Variants in GSK3B observed in about 807,000 individuals in gnomAD.
The protein encoded by GSK3B is glycogen synthase kinase 3 beta.
Under a neutral mutation model 56.4 loss-of-function variants are expected in GSK3B, and 15 were observed. That is an observed-to-expected ratio of 0.27 (90% CI 0.18 to 0.41). GSK3B has a LOEUF of 0.41. Among genes scored for constraint, GSK3B ranks in the 10% least tolerant of loss-of-function variants. GSK3B has a pLI of 1.00. For missense variants in GSK3B, 300 were observed against 513.4 expected, an observed-to-expected ratio of 0.58 and a Z score of 4.02; for synonymous variants, 181 against 188.9, an observed-to-expected ratio of 0.96 and a Z score of 0.34.
In GSK3B at chr3:119,887,484, TA is replaced by T. The variant is rs147635310; in HGVS notation, c.814-10977del. ...AAGAACCAAATGGAAATTGTACAGT[TA>T]AAAAATACAGTATGTGAAATTAAAA... On this transcript the variant is annotated intron_variant, in intron 7 of 10. Transcript: ENST00000264235. Among the ~76,000 whole-genome samples, 644 of 152,032 alleles carry T rather than the reference TA, an allele frequency of 4.2e-3. 1 individual carries two copies. Among genetic ancestry groups the T allele is most frequent in the African/African-American group, 0.015 (608 of 41,468 alleles).
At position 120,094,275 on chromosome 3, in the gene GSK3B, G is replaced by A; in HGVS notation, c.-841C>T. 4.4e-6 allele frequency: 1 copy of A among 228,536 alleles called. No homozygotes were observed. The highest frequency in any genetic ancestry group is 6.4e-5 in the East Asian group (1 of 15,610). 14.2% of individuals were successfully genotyped at this position (228,536 alleles called of 1,614,324 possible). A position where few individuals can be genotyped will look rare whatever the true frequency, so the allele number is the denominator to read the frequency against. ...GGCCGCCCTCCCGCCCCTCGGCTCT[G>A]CTCGGTGCCCGCTCAGGAAGTGTCC... On this transcript the variant is annotated 5_prime_UTR_variant, in exon 1 of 11. Transcript: ENST00000264235.
rs191122492 is a variant in GSK3B at position 119,937,351 on chromosome 3, T to A, written c.366+9917A>T. Reference sequence around the variant, plus strand: ...ATGAGTTCCCTCCCACTACAACTGGTTGGTAAAAAGAGCCTGACACCTCTC... The same window carrying A: ...ATGAGTTCCCTCCCACTACAACTGGATGGTAAAAAGAGCCTGACACCTCTC... On this transcript the variant is annotated intron_variant, in intron 3 of 10. Coordinates refer to ENST00000264235, the MANE Select transcript of GSK3B (RefSeq NM_001146156.2). Among the ~76,000 whole-genome samples the A allele has an allele frequency of 6.0e-4, 92 of 152,140 alleles. 2 individuals carry two copies. The highest frequency in any genetic ancestry group is 2.1e-3 in the African/African-American group (89 of 41,416).
In GSK3B at chr3:120,022,352, T is replaced by C. The variant is rs529149161; in HGVS notation, c.89-20113A>G. ...CAGTATAGTGCAAACGTAACTTTTATATGCACTAAGAAACCAAAAAAATTG... is the reference window on the plus strand; with the variant it reads ...CAGTATAGTGCAAACGTAACTTTTACATGCACTAAGAAACCAAAAAAATTG... On this transcript the variant is annotated intron_variant, in intron 1 of 10. Transcript: ENST00000264235. Among the ~76,000 whole-genome samples the C allele has an allele frequency of 4.6e-5, 7 of 152,356 alleles. No individual in the cohort carries two copies. The South Asian group carries it at 6.2e-4, about 14-fold the overall frequency.
Position 119,823,961 on chromosome 3 carries a change from T to C in GSK3B, c.*2827A>G, listed in dbSNP as rs1281784324. On this transcript the variant is annotated 3_prime_UTR_variant, in exon 11 of 11. Coordinates refer to ENST00000264235, the MANE Select transcript of GSK3B (RefSeq NM_001146156.2). ...GGAAGCGAAGGCACTCCAAACTATA[T>C]AGATACACTATACATTGCTAGAGTT... is the stretch of plus-strand genomic sequence containing the variant. 5.1e-6 allele frequency: 1 copy of C among 196,918 alleles called. No homozygotes were observed. Among genetic ancestry groups the C allele is most frequent in the Admixed American group, 6.1e-5 (1 of 16,480 alleles). The allele number at this position is 196,918 out of a possible 1,614,324, so 12.2% of individuals were successfully genotyped here.
intron 9 of GSK3B, among the ~76,000 whole-genome samples, chr3:119,852,896 T>C (rs1308938143): frequency 1.3e-5 from 2 of 152,220 alleles, no homozygotes; most frequent in East Asian, 3.8e-4. Context: ...TGATGGTAGC[T>C]TCTTTTCCTG....
chr3:120,031,010 A>G (rs1425463572), intron 1 of GSK3B, among the ~76,000 whole-genome samples: 1 of 152,202 alleles, frequency 6.6e-6, no homozygotes, highest in African/African-American at 2.4e-5. Context: ...AACTGTTCCC[A>G]ACAAACTCAT....
intron 2 of GSK3B, among the ~76,000 whole-genome samples, chr3:119,975,818 G>A (rs2057404160): frequency 6.6e-6 from 1 of 152,102 alleles, no homozygotes; most frequent in Non-Finnish European, 1.5e-5. Context: ...ACTACACCAA[G>A]GCACCAGTAA....
chr3:120,082,385 C>CTTTTTTTTTTT lies in GSK3B; in HGVS notation c.88+10951_88+10961dup, dbSNP rs1173737285. ...TGTGGCTAGCCCAAATTAGTATGTT[C>CTTTTTTTTTTT]TTTTTTTTTTTTTTTTTTTTTTTTT... On this transcript the variant is annotated intron_variant, in intron 1 of 10. Transcript: ENST00000264235. 2.0e-4 allele frequency among the ~76,000 whole-genome samples: 13 copies of CTTTTTTTTTTT among 66,384 alleles called. 1 individual carries two copies. Among genetic ancestry groups the CTTTTTTTTTTT allele is most frequent in the African/African-American group, 4.5e-4 (9 of 19,982 alleles). The allele number at this position is 66,384 out of a possible 152,430, so 43.6% of individuals were successfully genotyped here. A position where few individuals can be genotyped will look rare whatever the true frequency, so the allele number is the denominator to read the frequency against.
At chr3:119,937,167 C>A (rs962887197) in intron 3 of GSK3B, among the ~76,000 whole-genome samples, 1 of 152,058 alleles carries the variant, frequency 6.6e-6, no homozygotes, top group Non-Finnish European at 1.5e-5. Context: ...AGACAACACA[C>A]TTGCTATAGT....
At chr3:119,995,851 C>T (rs756211247) in intron 2 of GSK3B, among the ~76,000 whole-genome samples, 1 of 151,926 alleles carries the variant, frequency 6.6e-6, no homozygotes, top group Admixed American at 6.6e-5. Context: ...AATTCTCCTG[C>T]CTCAGCCTTC....
intron 1 of GSK3B, among the ~76,000 whole-genome samples, chr3:120,045,600 A>G (rs1308998322): frequency 1.3e-5 from 2 of 152,130 alleles, no homozygotes. Context: ...GGGACTACAC[A>G]TCAGAAATAA....
chr3:120,074,988 A>C (rs976644811), intron 1 of GSK3B, among the ~76,000 whole-genome samples: 1 of 152,250 alleles, frequency 6.6e-6, no homozygotes, highest in East Asian at 1.9e-4. Context: ...TGATGATACA[A>C]AAATCCTCAA....
At chr3:120,006,580 C>T (rs1269715293) in intron 1 of GSK3B, among the ~76,000 whole-genome samples, 2 of 152,176 alleles carry the variant, frequency 1.3e-5, no homozygotes, top group African/African-American at 2.4e-5. Flanking sequence ...GACCACAGTG[C>T]AATCAAATTA....
chr3:119,836,439 G>T (rs148415731), intron 10 of GSK3B, among the ~76,000 whole-genome samples: 2 of 152,236 alleles, frequency 1.3e-5, no homozygotes, highest in East Asian at 3.9e-4. Flanking sequence ...CCCAAGGAAG[G>T]TGAGGGCAAT....
chr3:119,954,406 T>C (rs2057192125), intron 2 of GSK3B, among the ~76,000 whole-genome samples: 2 of 118,640 alleles, frequency 1.7e-5, no homozygotes, highest in Admixed American at 1.5e-4. Context: ...CAGTAAGGGT[T>C]TTTTTCATGA....
At chr3:120,056,747 A>G (rs573673176) in intron 1 of GSK3B, among the ~76,000 whole-genome samples, 1 of 152,338 alleles carries the variant, frequency 6.6e-6, no homozygotes, top group East Asian at 1.9e-4. Flanking sequence ...GCATGACCCC[A>G]AAGCCAGAAG....
intron 8 of GSK3B, among the ~76,000 whole-genome samples, chr3:119,871,719 C>G (rs1459608385): frequency 5.9e-5 from 9 of 152,058 alleles, no homozygotes; most frequent in Non-Finnish European, 4.4e-5. Flanking sequence ...TAGCAAGAGG[C>G]AGAAATGAAT....
chr3:120,055,029 A>C (rs1256969145), intron 1 of GSK3B, among the ~76,000 whole-genome samples: 1 of 152,156 alleles, frequency 6.6e-6, no homozygotes, highest in African/African-American at 2.4e-5. Flanking sequence ...GTACAACCTT[A>C]ATCTTTTCAA....
At chr3:119,839,014 T>A (rs927196590) in intron 10 of GSK3B, among the ~76,000 whole-genome samples, 2 of 152,214 alleles carry the variant, frequency 1.3e-5, no homozygotes, top group South Asian at 4.1e-4. Context: ...AACTTAATAT[T>A]TGCACCATCT....
Sources: gnomAD v4.1 joint callset for allele counts (sites outside exome capture counted in the v4.1 genomes callset) on GRCh38, gnomAD v4.1.1 for gene constraint, MANE v1.5 for transcripts, NCBI Gene and HGNC (gene_info 2026-07-23, HGNC 2026-07-21) for gene names.